The following PAPPA2 variants were observed in gnomAD, a reference collection of about 807,000 sequenced individuals.
The protein encoded by PAPPA2 is pappalysin 2.
A neutral mutation model predicts 176.4 loss-of-function variants in PAPPA2; 86 were observed. The ratio of observed to expected loss-of-function variants is 0.49; its 90% CI spans 0.41 to 0.58. PAPPA2 has a LOEUF of 0.58. PAPPA2 is among the 20% of genes least tolerant of loss of function. The pLI is 0.00. For synonymous variants in PAPPA2, 809 were observed against 852.2 expected, an observed-to-expected ratio of 0.95 and a Z score of 0.88; for missense variants, 2,073 against 2,256.9, an observed-to-expected ratio of 0.92 and a Z score of 1.65.
intron 4 of PAPPA2, among the ~76,000 whole-genome samples, chr1:176,686,886 T>C (rs540837142): frequency 8.3e-4 from 127 of 152,282 alleles, no homozygotes; most frequent in African/African-American, 3.0e-3. Flanking sequence ...CAAGTGAGGA[T>C]CAGCTAATGC....
At chr1:176,571,713 G>T (rs141353936) in intron 2 of PAPPA2, among the ~76,000 whole-genome samples, 1 of 152,178 alleles carries the variant, frequency 6.6e-6, no homozygotes, top group African/African-American at 2.4e-5. Flanking sequence ...GAAATTATTT[G>T]TAGTGAGATT....
chr1:176,747,639 ATTAG>A, intron 14 of PAPPA2, among the ~76,000 whole-genome samples: 1 of 152,228 alleles, frequency 6.6e-6, no homozygotes, highest in East Asian at 1.9e-4. Context: ...TTATGTGTGT[ATTAG>A]TTTTCTAATG....
chr1:176,831,992 G>A (rs1047547393), intron 21 of PAPPA2, among the ~76,000 whole-genome samples: 1 of 152,170 alleles, frequency 6.6e-6, no homozygotes, highest in Non-Finnish European at 1.5e-5. Flanking sequence ...GGGGAAGGAG[G>A]CTCTCAGGGA....
At chr1:176,827,199 C>T (rs1318226807) in intron 21 of PAPPA2, among the ~76,000 whole-genome samples, 1 of 152,138 alleles carries the variant, frequency 6.6e-6, no homozygotes, top group Non-Finnish European at 1.5e-5. Context: ...CTGGCCCTTC[C>T]AGTTGTCTTC....
chr1:176,601,302 T>C (rs562841466), intron 3 of PAPPA2, among the ~76,000 whole-genome samples: 2 of 152,300 alleles, frequency 1.3e-5, no homozygotes, highest in South Asian at 4.1e-4. Flanking sequence ...ATTAATCTCT[T>C]TTTTTCATAA....
chr1:176,778,012 G>C (rs545693476), intron 17 of PAPPA2, among the ~76,000 whole-genome samples: 505 of 150,478 alleles, frequency 3.4e-3, no homozygotes, highest in Non-Finnish European at 6.0e-3. Flanking sequence ...TCTGTTGTTG[G>C]TTCCTATGCT....
intron 3 of PAPPA2, among the ~76,000 whole-genome samples, chr1:176,652,168 T>G (rs758335198): frequency 6.6e-6 from 1 of 150,504 alleles, no homozygotes; most frequent in Non-Finnish European, 1.5e-5. Context: ...TGTTCATTTT[T>G]GGGGGCAGGG....
chr1:176,503,487 G>T (rs1316295186), intron 1 of PAPPA2, among the ~76,000 whole-genome samples: 1 of 152,026 alleles, frequency 6.6e-6, no homozygotes, highest in Non-Finnish European at 1.5e-5. Flanking sequence ...GACATCTTTG[G>T]GTGGCCATTC....
At chr1:176,745,528 G>A (rs1230814648) in intron 14 of PAPPA2, among the ~76,000 whole-genome samples, 1 of 152,094 alleles carries the variant, frequency 6.6e-6, no homozygotes, top group East Asian at 1.9e-4. Flanking sequence ...TCCCATCTTA[G>A]TTGGGATCCA....
intron 14 of PAPPA2, among the ~76,000 whole-genome samples, chr1:176,748,496 T>C (rs1299753294): frequency 6.6e-6 from 1 of 152,176 alleles, no homozygotes; most frequent in African/African-American, 2.4e-5. Flanking sequence ...CCAGATTTTT[T>C]CCCCTTATTC....
chr1:176,811,972 A>C (rs566390495), intron 21 of PAPPA2, among the ~76,000 whole-genome samples: 1 of 152,222 alleles, frequency 6.6e-6, no homozygotes, highest in South Asian at 2.1e-4. Flanking sequence ...AACCGTCCAA[A>C]TTGTAAAACC....
At chr1:176,554,318 G>GTAAGTGAT (rs1651142737) in intron 1 of PAPPA2, among the ~76,000 whole-genome samples, 1 of 152,214 alleles carries the variant, frequency 6.6e-6, no homozygotes, top group Non-Finnish European at 1.5e-5. Flanking sequence ...CTTTAAAAGT[G>GTAAGTGAT]TAAGTGATTT....
At chr1:176,822,592 C>T (rs1050746653) in intron 21 of PAPPA2, among the ~76,000 whole-genome samples, 12 of 152,202 alleles carry the variant, frequency 7.9e-5, no homozygotes, top group Non-Finnish European at 1.5e-4. Flanking sequence ...TGAGGCTTCT[C>T]TTGGACAAAG....
chr1:176,582,251 C>G (rs969548347), intron 2 of PAPPA2, among the ~76,000 whole-genome samples: 7 of 152,094 alleles, frequency 4.6e-5, no homozygotes, highest in Non-Finnish European at 7.4e-5. Flanking sequence ...TGTAAGATCA[C>G]TTCATTTGCA....
chr1:176,547,354 A>T (rs921046122), intron 1 of PAPPA2, among the ~76,000 whole-genome samples: 1 of 152,158 alleles, frequency 6.6e-6, no homozygotes, highest in African/African-American at 2.4e-5. Context: ...CAGTTAAGTA[A>T]GTTGTGGTTA....
chr1:176,772,358 A>G (rs765177520), intron 17 of PAPPA2, among the ~76,000 whole-genome samples: 68 of 152,228 alleles, frequency 4.5e-4, no homozygotes, highest in Non-Finnish European at 9.4e-4. Flanking sequence ...AATCCTAGCC[A>G]TGGTATTACC....
chr1:176,664,060 T>C (rs1658494332), intron 3 of PAPPA2, among the ~76,000 whole-genome samples: 1 of 152,182 alleles, frequency 6.6e-6, no homozygotes, highest in African/African-American at 2.4e-5. Flanking sequence ...ATCTTTTCAT[T>C]TGATACCATC....
At chr1:176,518,893 A>T (rs567290303) in intron 1 of PAPPA2, among the ~76,000 whole-genome samples, 89 of 152,336 alleles carry the variant, frequency 5.8e-4, no homozygotes, top group African/African-American at 1.9e-3. Context: ...GGGCACTTAA[A>T]AAAAAACAGT....
At chr1:176,551,372 C>A (rs1027950329) in intron 1 of PAPPA2, among the ~76,000 whole-genome samples, 22 of 152,286 alleles carry the variant, frequency 1.4e-4, no homozygotes, top group Non-Finnish European at 1.3e-4. Context: ...TGGTTGTGTT[C>A]TAGGAGGCTT....
Sources: gnomAD v4.1 joint callset for allele counts (sites outside exome capture counted in the v4.1 genomes callset) on GRCh38, gnomAD v4.1.1 for gene constraint, MANE v1.5 for transcripts, NCBI Gene and HGNC (gene_info 2026-07-23, HGNC 2026-07-21) for gene names.